Variants in CCDC7 observed in about 807,000 individuals in gnomAD.
The protein encoded by CCDC7 is coiled-coil domain containing 7.
A neutral mutation model predicts 196.9 loss-of-function variants in CCDC7; 183 were observed. The observed-to-expected ratio is 0.93, with a 90% confidence interval of 0.82 to 1.05. The LOEUF is 1.05. CCDC7 is among the 50% of genes least tolerant of loss of function. The pLI is 0.00. For synonymous variants in CCDC7, 525 were observed against 484.6 expected (o/e 1.08, Z -1.10); for missense variants, 1,540 against 1,482.2 (o/e 1.04, Z -0.64).
rs370376461 is a variant in CCDC7 at position 32,465,830 on chromosome 10, C to T, written c.510+2781C>T. Among the ~76,000 whole-genome samples, 38 of 152,248 alleles carry T rather than the reference C, an allele frequency of 2.5e-4. No homozygotes were observed. In the South Asian group the frequency reaches 7.7e-3, roughly 31 times the overall value. On this transcript the variant is annotated intron_variant, in intron 5 of 41. Transcript: ENST00000639629. ...AATGGGTCAGAAATATGAATTTTTA[C>T]TCCTAAACTCATATCTCTTCTAGTG... is the stretch of plus-strand genomic sequence containing the variant.
At chr10:32,495,108 C>G (rs1205111145) in intron 9 of CCDC7, among the ~76,000 whole-genome samples, 1 of 152,182 alleles carries the variant, frequency 6.6e-6, no homozygotes, top group Non-Finnish European at 1.5e-5. Context: ...GAGATGATAT[C>G]TCATTGTGGT....
At chr10:32,725,267 A>G (rs1341483979) in intron 25 of CCDC7, 2 of 467,520 alleles carry the variant, frequency 4.3e-6, no homozygotes, top group African/African-American at 4.0e-5. Flanking sequence ...CTATCCTATA[A>G]TACTTTGAAA....
chr10:32,483,573 G>A (rs2040403788), intron 8 of CCDC7, among the ~76,000 whole-genome samples: 1 of 152,180 alleles, frequency 6.6e-6, no homozygotes, highest in Non-Finnish European at 1.5e-5. Flanking sequence ...CCTTGCCCAT[G>A]CCTATGTCCT....
chr10:32,778,415 A>G (rs867381995), intron 28 of CCDC7, among the ~76,000 whole-genome samples: 69 of 152,216 alleles, frequency 4.5e-4, no homozygotes, highest in African/African-American at 1.3e-3. Context: ...CTTGCCAGCT[A>G]TCCCAGCATC....
chr10:32,823,524 T>G (rs2090612886), intron 31 of CCDC7, among the ~76,000 whole-genome samples: 1 of 152,180 alleles, frequency 6.6e-6, no homozygotes, highest in Admixed American at 6.5e-5. Flanking sequence ...GCTGCCATGA[T>G]AATAGTGCAA....
intron 9 of CCDC7, among the ~76,000 whole-genome samples, chr10:32,515,817 G>A (rs547515003): frequency 6.6e-6 from 1 of 152,100 alleles, no homozygotes. Context: ...GGGATTACAG[G>A]CGTGAGCCAC....
At chr10:32,511,799 C>T (rs1380578016) in intron 9 of CCDC7, 5 of 1,187,576 alleles carry the variant, frequency 4.2e-6, no homozygotes, top group South Asian at 1.3e-5. Flanking sequence ...GCAACGATGA[C>T]GACAATGACG....
At chr10:32,527,794 TG>T (rs1431945082) in intron 11 of CCDC7, among the ~76,000 whole-genome samples, 5 of 152,154 alleles carry the variant, frequency 3.3e-5, no homozygotes, top group African/African-American at 1.2e-4. Context: ...ACATGGCAAT[TG>T]GTGAAATAGG....
intron 11 of CCDC7, among the ~76,000 whole-genome samples, chr10:32,530,117 A>G (rs1353694304): frequency 6.6e-6 from 1 of 152,006 alleles, no homozygotes; most frequent in Non-Finnish European, 1.5e-5. Context: ...TCCATTTTGT[A>G]CTGGTGGTCT....
intron 8 of CCDC7, among the ~76,000 whole-genome samples, chr10:32,486,909 C>T (rs1489281596): frequency 1.3e-5 from 2 of 151,972 alleles, no homozygotes; most frequent in African/African-American, 2.4e-5. Flanking sequence ...ACCTTTCTCT[C>T]TGGCTGCCCT....
intron 8 of CCDC7, among the ~76,000 whole-genome samples, chr10:32,485,880 G>T (rs1294120829): frequency 6.6e-6 from 1 of 152,128 alleles, no homozygotes. Flanking sequence ...TATAATTTCT[G>T]TTCTTTTACA....
intron 32 of CCDC7, among the ~76,000 whole-genome samples, chr10:32,828,543 G>GA (rs2091721775): frequency 6.8e-6 from 1 of 147,406 alleles, no homozygotes; most frequent in Non-Finnish European, 1.5e-5. Context: ...AGAAGAAGAA[G>GA]AAGAAGAAGA....
chr10:32,874,721 C>A (rs2094544987), intron 41 of CCDC7, among the ~76,000 whole-genome samples: 1 of 145,864 alleles, frequency 6.9e-6, no homozygotes, highest in African/African-American at 2.5e-5. Context: ...ATAAATAAAA[C>A]TTTTATATAT....
chr10:32,538,395 A>G (rs1025864083), intron 11 of CCDC7, among the ~76,000 whole-genome samples: 5 of 152,154 alleles, frequency 3.3e-5, no homozygotes, highest in South Asian at 2.1e-4. Flanking sequence ...GGCCAAGCCT[A>G]TGGAGTTTTC....
At chr10:32,684,064 G>A (rs1317101238) in intron 21 of CCDC7, among the ~76,000 whole-genome samples, 2 of 152,172 alleles carry the variant, frequency 1.3e-5, no homozygotes, top group African/African-American at 4.8e-5. Flanking sequence ...GAAATGCAGA[G>A]CTGCAGCCAG....
intron 29 of CCDC7, among the ~76,000 whole-genome samples, chr10:32,789,255 C>A (rs2082323461): frequency 6.6e-6 from 1 of 152,094 alleles, no homozygotes; most frequent in Non-Finnish European, 1.5e-5. Context: ...ATTGACCCTA[C>A]ATAAATGGAG....
chr10:32,449,451 A>T (rs1447020600), upstream of CCDC7, among the ~76,000 whole-genome samples: 1 of 152,120 alleles, frequency 6.6e-6, no homozygotes, highest in Non-Finnish European at 1.5e-5. Context: ...CTCCCAAAGT[A>T]CTGGGATTAC....
intron 18 of CCDC7, among the ~76,000 whole-genome samples, chr10:32,586,325 G>C (rs1458193821): frequency 6.6e-6 from 1 of 152,136 alleles, no homozygotes; most frequent in Non-Finnish European, 1.5e-5. Flanking sequence ...TCTGTAGGCT[G>C]CTTGTTCACT....
intron 24 of CCDC7, among the ~76,000 whole-genome samples, chr10:32,696,764 G>A (rs181624276): frequency 9.2e-5 from 14 of 152,250 alleles, no homozygotes; most frequent in African/African-American, 3.4e-4. Flanking sequence ...ATTGAGAAGT[G>A]TGTGCCCAAT....
Sources: gnomAD v4.1 joint callset for allele counts (sites outside exome capture counted in the v4.1 genomes callset) on GRCh38, gnomAD v4.1.1 for gene constraint, MANE v1.5 for transcripts, NCBI Gene and HGNC (gene_info 2026-07-23, HGNC 2026-07-21) for gene names.